GPR176: variants seen among roughly 807,000 people sequenced by gnomAD.
GPR176 encodes the protein G-protein coupled receptor 176.
GPR176 carries 26 observed loss-of-function variants against 35.4 expected under a neutral mutation model. That is an observed-to-expected ratio of 0.74 (90% CI 0.54 to 1.02). The LOEUF (loss-of-function observed/expected upper bound fraction) is 1.02. GPR176 is among the 50% of genes least tolerant of loss of function. The pLI, the probability that GPR176 is intolerant of heterozygous loss-of-function variation, is 0.00. For missense variants in GPR176, 597 were observed against 665.3 expected (o/e 0.90, Z 1.13); for synonymous variants, 278 against 271.3 (o/e 1.02, Z -0.24).
At chr15:39,818,620 T>G (rs1473831229) in intron 1 of GPR176, among the ~76,000 whole-genome samples, 1 of 152,170 alleles carries the variant, frequency 6.6e-6, no homozygotes, top group African/African-American at 2.4e-5. Context: ...GCGCATATCT[T>G]TTAGCAATAA....
chr15:39,820,564 T>A, intron 1 of GPR176, among the ~76,000 whole-genome samples: 1 of 152,202 alleles, frequency 6.6e-6, no homozygotes, highest in Middle Eastern at 3.2e-3. Flanking sequence ...ATATCTATGA[T>A]TCTAGACCCA....
At chr15:39,908,524 C>T (rs1474632377) in intron 1 of GPR176, among the ~76,000 whole-genome samples, 2 of 151,558 alleles carry the variant, frequency 1.3e-5, no homozygotes, top group African/African-American at 4.9e-5. Context: ...CCAACTCAAA[C>T]AAGTTTAAGC....
chr15:39,920,154 G>T lies in GPR176; in HGVS notation c.-128C>A. The T allele has an allele frequency of 3.4e-6, 2 of 590,550 alleles. No homozygotes were observed. The highest frequency in any genetic ancestry group is 5.1e-6 in the Non-Finnish European group (2 of 395,870). 36.6% of individuals were successfully genotyped at this position (590,550 alleles called of 1,614,324 possible). A position where few individuals can be genotyped will look rare whatever the true frequency, so the allele number is the denominator to read the frequency against. On this transcript the variant is annotated 5_prime_UTR_variant, in exon 1 of 3. Transcript: ENST00000561100. ...CCTGGAGAAGCCGGAGCAGCCGACG[G>T]GTCCCCTCACGTCTCCACATCGCCA...
chr15:39,847,596 A>G (rs2030525539), intron 1 of GPR176, among the ~76,000 whole-genome samples: 1 of 152,006 alleles, frequency 6.6e-6, no homozygotes, highest in Admixed American at 6.6e-5. Flanking sequence ...TACAAAAATT[A>G]GCCAGGCATG....
At chr15:39,895,173 C>G (rs2033065877) in intron 1 of GPR176, among the ~76,000 whole-genome samples, 1 of 151,840 alleles carries the variant, frequency 6.6e-6, no homozygotes. Flanking sequence ...GGCAGCAGTA[C>G]AGTCCAGCTT....
At position 39,801,453 on chromosome 15, in the gene GPR176, G is replaced by A; in HGVS notation, c.1227C>T (p.Cys409=). The A allele has an allele frequency of 6.2e-7, 1 of 1,614,132 alleles. No individual in the cohort carries two copies. The highest frequency in any genetic ancestry group is 8.5e-7 in the Non-Finnish European group (1 of 1,179,970). ...ACTGTGGCCCCTGCTCTCCCTCCAG[G>A]CAGGTGCTAAATATCTCCTTGGCCT... ...DFQAKEIFST[C]LEGEQGPQFA... Residue 409 remains cysteine (C), a synonymous_variant, in exon 3 of 3, where the codon TGC becomes TGT. Transcript: ENST00000561100.
chr15:39,804,779 A>G (rs1899090488), intron 2 of GPR176, among the ~76,000 whole-genome samples: 1 of 152,256 alleles, frequency 6.6e-6, no homozygotes, highest in South Asian at 2.1e-4. Flanking sequence ...TGAATGAAGT[A>G]CTGATACATT....
In GPR176 at chr15:39,848,061, C is replaced by T. The variant is rs77240065; in HGVS notation, c.173-40803G>A. On this transcript the variant is annotated intron_variant, in intron 1 of 2. Coordinates refer to ENST00000561100, the MANE Select transcript of GPR176 (RefSeq NM_007223.3). ...ATGAGAACTCTATCATAAGACAGCA[C>T]ATGGGAGATGGTGCTAAACCATTAC... 6.6e-3 allele frequency among the ~76,000 whole-genome samples: 1,002 copies of T among 152,202 alleles called. 13 individuals are homozygous for T. Among genetic ancestry groups the T allele is most frequent in the African/African-American group, 0.023 (958 of 41,526 alleles).
chr15:39,867,697 G>A (rs977239424), intron 1 of GPR176, among the ~76,000 whole-genome samples: 2 of 152,134 alleles, frequency 1.3e-5, no homozygotes, highest in African/African-American at 2.4e-5. Context: ...AGTAAACAGC[G>A]GAGAAAGAGC....
chr15:39,883,437 T>C (rs1429980273), intron 1 of GPR176, among the ~76,000 whole-genome samples: 2 of 152,196 alleles, frequency 1.3e-5, no homozygotes, highest in Non-Finnish European at 2.9e-5. Context: ...ACATATTTAA[T>C]GTACACAATT....
intron 1 of GPR176, among the ~76,000 whole-genome samples, chr15:39,841,922 T>C (rs1452484450): frequency 1.3e-5 from 2 of 152,142 alleles, no homozygotes; most frequent in African/African-American, 4.8e-5. Flanking sequence ...CATGGTAGCT[T>C]TGCAACTTAA....
chr15:39,897,623 T>TTTTTTTTTTTTTTTG (rs2033156554), intron 1 of GPR176, among the ~76,000 whole-genome samples: 1 of 150,146 alleles, frequency 6.7e-6, no homozygotes, highest in African/African-American at 2.5e-5. Context: ...TTTTTTTTTT[T>TTTTTTTTTTTTTTTG]TGAGACGGAG....
intron 1 of GPR176, among the ~76,000 whole-genome samples, chr15:39,875,957 A>G (rs959921644): frequency 3.4e-5 from 5 of 149,120 alleles, no homozygotes; most frequent in Admixed American, 6.7e-5. Context: ...GTATATATTT[A>G]ATTTACATAT....
chr15:39,856,034 C>G (rs1328804588), intron 1 of GPR176, among the ~76,000 whole-genome samples: 3 of 152,152 alleles, frequency 2.0e-5, no homozygotes, highest in African/African-American at 7.2e-5. Flanking sequence ...TATCACCTAG[C>G]TAGTAAGTGA....
intron 1 of GPR176, among the ~76,000 whole-genome samples, chr15:39,867,979 A>G (rs757961762): frequency 6.6e-6 from 1 of 152,152 alleles, no homozygotes; most frequent in Non-Finnish European, 1.5e-5. Flanking sequence ...CCTGGATTCC[A>G]GCTATTTTCT....
At chr15:39,828,909 A>G (rs1356513335) in intron 1 of GPR176, among the ~76,000 whole-genome samples, 1 of 152,230 alleles carries the variant, frequency 6.6e-6, no homozygotes, top group African/African-American at 2.4e-5. Flanking sequence ...GCTGGAATGT[A>G]AGTAGATTTA....
At chr15:39,896,092 T>C (rs8041100) in intron 1 of GPR176, among the ~76,000 whole-genome samples, 1,676 of 152,346 alleles carry the variant, frequency 0.011, 27 homozygotes, top group African/African-American at 0.039. Flanking sequence ...TCTCGCTTTG[T>C]TGTCCAGGCT....
intron 1 of GPR176, among the ~76,000 whole-genome samples, chr15:39,821,374 A>C (rs1467511234): frequency 1.3e-5 from 2 of 152,170 alleles, no homozygotes; most frequent in Non-Finnish European, 2.9e-5. Flanking sequence ...AATGTCACTG[A>C]CTCAATGTGG....
intron 1 of GPR176, among the ~76,000 whole-genome samples, chr15:39,842,564 G>A (rs2030084903): frequency 6.6e-6 from 1 of 152,018 alleles, no homozygotes; most frequent in African/African-American, 2.4e-5. Context: ...CCTCATGAAT[G>A]GGATTAGTAC....
Sources: gnomAD v4.1 joint callset for allele counts (sites outside exome capture counted in the v4.1 genomes callset) on GRCh38, gnomAD v4.1.1 for gene constraint, MANE v1.5 for transcripts, NCBI Gene and HGNC (gene_info 2026-07-23, HGNC 2026-07-21) for gene names.